DHRS3: variants seen among roughly 807,000 people sequenced by gnomAD.
DHRS3 encodes dehydrogenase/reductase 3.
A neutral mutation model predicts 27.2 loss-of-function variants in DHRS3; 14 were observed. The ratio of observed to expected loss-of-function variants is 0.52; its 90% CI spans 0.34 to 0.81. The LOEUF (loss-of-function observed/expected upper bound fraction) is 0.81, where lower values mean the gene tolerates loss of function less well. Among genes scored for constraint, DHRS3 ranks in the 30% least tolerant of loss-of-function variants. The pLI, the probability that DHRS3 is intolerant of heterozygous loss-of-function variation, is 0.01. For missense variants in DHRS3, 322 were observed against 406.2 expected (o/e 0.79, Z 1.78); for synonymous variants, 165 against 175.9 (o/e 0.94, Z 0.49).
At position 12,594,695 on chromosome 1, in the gene DHRS3, G is replaced by T. The variant is rs1646773705; in HGVS notation, c.196-14029C>A. Among the ~76,000 whole-genome samples, 1 of 152,100 alleles carries T rather than the reference G, an allele frequency of 6.6e-6. No homozygotes were observed. Among genetic ancestry groups the T allele is most frequent in the Admixed American group, 6.5e-5 (1 of 15,276 alleles). Reference sequence around the variant, plus strand: ...CAGTTGGTGCAAAGGCCCTGGGGTGGGAATGAGCTTCCCCAGCACGGAGAC... The same window carrying T: ...CAGTTGGTGCAAAGGCCCTGGGGTGTGAATGAGCTTCCCCAGCACGGAGAC... On this transcript the variant is annotated intron_variant, in intron 1 of 5. Coordinates refer to ENST00000616661, the MANE Select transcript of DHRS3 (RefSeq NM_004753.7). The surrounding 1 kb of genome is among the most constrained non-coding windows in gnomAD (Gnocchi z 4.1).
Position 12,578,630 on chromosome 1 carries a change from T to C in DHRS3, c.698+88A>G, listed in dbSNP as rs1324384194. On this transcript the variant is annotated intron_variant, in intron 4 of 5. Coordinates refer to ENST00000616661, the MANE Select transcript of DHRS3 (RefSeq NM_004753.7). This position sits in a 1 kb window ranked among gnomAD's most constrained non-coding sequence, Gnocchi z 4.5. ...CACCGTGCCTAGCCCGATTTTTATA[T>C]CAGAGCTCTTTCTGCAGTTGGCTGA... 7.4e-7 allele frequency: 1 copy of C among 1,354,264 alleles called. No homozygotes were observed. Among genetic ancestry groups the C allele is most frequent in the African/African-American group, 1.4e-5 (1 of 69,694 alleles). The allele number at this position is 1,354,264 out of a possible 1,614,324, so 83.9% of individuals were successfully genotyped here.
At position 12,617,345 on chromosome 1, in the gene DHRS3, C is replaced by G; in HGVS notation, c.4G>C (p.Val2Leu). 1 of 1,598,742 alleles carries G rather than the reference C, an allele frequency of 6.3e-7. No homozygotes were observed. Among genetic ancestry groups the G allele is most frequent in the Non-Finnish European group, 8.6e-7 (1 of 1,168,084 alleles). ...ACCAGCGCGCCCAGCCGTTTCCACA[C>G]CATCCTCCGCGCCGCGGAGCCGGGC... Reference protein sequence around the residue: MVWKRLGALVMF... With the variant: MLWKRLGALVMF... Residue 2 changes from valine to leucine, a missense_variant, in exon 1 of 6, where the codon GTG (valine) becomes CTG (leucine). Val to Leu is a conservative substitution (Grantham distance 32, BLOSUM62 1). Coordinates refer to ENST00000616661, the MANE Select transcript of DHRS3 (RefSeq NM_004753.7).
In DHRS3 at chr1:12,574,447, G is replaced by A. The variant is rs1011931770; in HGVS notation, c.699-1594C>T. Reference sequence around the variant, plus strand: ...CTCCCAAAGCACTGGGATTACTGGTGTGAACCCAGCTACCACGCCTGGCCA... The same window carrying A: ...CTCCCAAAGCACTGGGATTACTGGTATGAACCCAGCTACCACGCCTGGCCA... On this transcript the variant is annotated intron_variant, in intron 4 of 5. Coordinates refer to ENST00000616661, the MANE Select transcript of DHRS3 (RefSeq NM_004753.7). The surrounding 1 kb of genome is among the most constrained non-coding windows in gnomAD (Gnocchi z 4.6). Among the ~76,000 whole-genome samples, 1 of 152,196 alleles carries A rather than the reference G, an allele frequency of 6.6e-6. No homozygotes were observed. Among genetic ancestry groups the A allele is most frequent in the Admixed American group, 6.5e-5 (1 of 15,278 alleles).
intron 1 of DHRS3, among the ~76,000 whole-genome samples, chr1:12,601,148 A>G (rs1050096765): frequency 1.3e-5 from 2 of 151,456 alleles, no homozygotes; most frequent in African/African-American, 4.9e-5. Flanking sequence ...GGTGTACTGG[A>G]CCCCTTGCTC....
In DHRS3 at chr1:12,582,884, T is replaced by TC. The variant is rs1215877690; in HGVS notation, c.196-2219dup. The stretch of plus-strand genomic sequence containing the variant: ...ATCCATCCATCCATCCCTCCCTCCC[T>TC]CATCTACCCTACTCCATCCATCCAT... On this transcript the variant is annotated intron_variant, in intron 1 of 5. Transcript: ENST00000616661. Among the ~76,000 whole-genome samples, 7 of 137,026 alleles carry TC rather than the reference T, an allele frequency of 5.1e-5. No individual in the cohort carries two copies. In the East Asian group the frequency reaches 7.1e-4, roughly 14 times the overall value. The allele number at this position is 137,026 out of a possible 152,430, so 89.9% of individuals were successfully genotyped here.
intron 1 of DHRS3, chr1:12,616,935 C>T (rs1469872080): frequency 5.8e-6 from 5 of 864,044 alleles, no homozygotes; most frequent in Non-Finnish European, 8.4e-6. Flanking sequence ...AGCCACCGAT[C>T]CCAAAGGAGC....
chr1:12,576,320 T>C (rs1469190519), intron 4 of DHRS3, among the ~76,000 whole-genome samples: 1 of 151,940 alleles, frequency 6.6e-6, no homozygotes, highest in Non-Finnish European at 1.5e-5. Context: ...CCCAGCACTT[T>C]GGGAGGCCGA....
At chr1:12,583,738 A>G (rs1489383262) in intron 1 of DHRS3, among the ~76,000 whole-genome samples, 1 of 145,436 alleles carries the variant, frequency 6.9e-6, no homozygotes, top group African/African-American at 2.6e-5. Flanking sequence ...TCATGCATCC[A>G]TCCATGCACT....
chr1:12,594,806 G>A lies in DHRS3; in HGVS notation c.196-14140C>T, dbSNP rs991641252. Among the ~76,000 whole-genome samples, 1 of 152,036 alleles carries A rather than the reference G, an allele frequency of 6.6e-6. No homozygotes were observed. Among genetic ancestry groups the A allele is most frequent in the Non-Finnish European group, 1.5e-5 (1 of 68,012 alleles). ...ATGGGGTAGATTGGGAGGTTGTAAG[G>A]AGAAAAAAGACAGCCTCTGACATGA... On this transcript the variant is annotated intron_variant, in intron 1 of 5. Coordinates refer to ENST00000616661, the MANE Select transcript of DHRS3 (RefSeq NM_004753.7). The surrounding 1 kb of genome is among the most constrained non-coding windows in gnomAD (Gnocchi z 4.1).
rs559702743 is a variant in DHRS3 at position 12,585,016 on chromosome 1, T to A, written c.196-4350A>T. Among the ~76,000 whole-genome samples, 372 of 150,006 alleles carry A rather than the reference T, an allele frequency of 2.5e-3. 6 individuals are homozygous for A. Among genetic ancestry groups the A allele is most frequent in the Non-Finnish European group, 7.4e-4 (50 of 67,560 alleles). The stretch of plus-strand genomic sequence containing the variant: ...GTGGGTGTGTGTCTGTGTGCATCTC[T>A]GTGTGTGTGTGTGTCTCTGTGTGTC... On this transcript the variant is annotated intron_variant, in intron 1 of 5. Transcript: ENST00000616661.
rs536842351 is a variant in DHRS3, at chr1:12,602,089, G to A, written c.195+15065C>T. On this transcript the variant is annotated intron_variant, in intron 1 of 5. Transcript: ENST00000616661. The stretch of plus-strand genomic sequence containing the variant: ...TATCAACAAGCAGCCACAAAGCGTG[G>A]TGAGTTGCTATGGTAACCCCTGACT... Among the ~76,000 whole-genome samples the A allele has an allele frequency of 2.4e-4, 37 of 152,330 alleles. No homozygotes were observed. In the South Asian group the frequency reaches 6.4e-3, roughly 26 times the overall value.
In DHRS3 at chr1:12,590,755, C is replaced by T. The variant is rs555183129; in HGVS notation, c.196-10089G>A. On this transcript the variant is annotated intron_variant, in intron 1 of 5. Coordinates refer to ENST00000616661, the MANE Select transcript of DHRS3 (RefSeq NM_004753.7). The stretch of plus-strand genomic sequence containing the variant: ...ATGGACTCCAGTGGGATCCCTCTAG[C>T]TGTCACCCATTGAGAGTGCTGGCCT... 7.2e-5 allele frequency among the ~76,000 whole-genome samples: 11 copies of T among 152,328 alleles called. 1 individual carries two copies. Among genetic ancestry groups the T allele is most frequent in the African/African-American group, 2.6e-4 (11 of 41,584 alleles).
chr1:12,616,502 G>C (rs140953325), intron 1 of DHRS3: 52 of 953,766 alleles, frequency 5.5e-5, no homozygotes, highest in Non-Finnish European at 6.0e-5. Flanking sequence ...GGGTGTACTG[G>C]GGGGGAGGGG....
chr1:12,577,599 T>A (rs1347809271), intron 4 of DHRS3, among the ~76,000 whole-genome samples: 1 of 152,012 alleles, frequency 6.6e-6, no homozygotes, highest in Non-Finnish European at 1.5e-5. Flanking sequence ...CTGAGGTGGG[T>A]GGATCACCTG....
chr1:12,580,694 C>T, intron 1 of DHRS3, 28 bp from the exon 2 acceptor site: 6 of 1,595,966 alleles, frequency 3.8e-6, no homozygotes, highest in Non-Finnish European at 4.3e-6. Flanking sequence ...CAACGCAGAA[C>T]AAATGGTCAT....
chr1:12,605,651 T>G (rs1033343455), intron 1 of DHRS3, among the ~76,000 whole-genome samples: 2 of 152,168 alleles, frequency 1.3e-5, no homozygotes, highest in Non-Finnish European at 2.9e-5. Context: ...TGTTATAACA[T>G]GACTAAATGG....
Position 12,578,779 on chromosome 1 carries a change from T to G in DHRS3, c.637A>C (p.Ser213Arg), listed in dbSNP as rs1646614790. The G allele has an allele frequency of 6.2e-7, 1 of 1,613,962 alleles. No individual in the cohort carries two copies. Among genetic ancestry groups the G allele is most frequent in the Non-Finnish European group, 8.5e-7 (1 of 1,180,014 alleles). The change falls in exon 4 of 6, where the codon AGC becomes CGC. Residue 213 changes from serine (S) to arginine (R), a missense_variant. Physicochemically the swap from Ser to Arg is moderately radical, Grantham distance 110. Transcript: ENST00000616661. The surrounding 1 kb of genome is among the most constrained non-coding windows in gnomAD (Gnocchi z 4.5). The part of the protein sequence containing the change: ...TLGLLDCPGV[S>R]ATTVLPFHTS... ...TGGAAGGGCAGCACTGTGGTGGCGC[T>G]GACTCCCGGACAGTCCAGCAGCCCC...
At chr1:12,570,936 G>A (rs1449466852) in intron 5 of DHRS3, among the ~76,000 whole-genome samples, 1 of 152,252 alleles carries the variant, frequency 6.6e-6, no homozygotes, top group Middle Eastern at 3.2e-3. Flanking sequence ...AGGTTTCTGT[G>A]CCCTGCATGT....
chr1:12,587,468 G>C (rs1200867472), intron 1 of DHRS3, among the ~76,000 whole-genome samples: 1 of 151,996 alleles, frequency 6.6e-6, no homozygotes, highest in African/African-American at 2.4e-5. Context: ...CACAGAGATG[G>C]GTGTCTCAGG....
Sources: gnomAD v4.1 joint callset for allele counts (sites outside exome capture counted in the v4.1 genomes callset) on GRCh38, gnomAD v4.1.1 for gene constraint, Gnocchi (gnomAD v3.1) non-coding constraint, MANE v1.5 for transcripts, NCBI Gene and HGNC (gene_info 2026-07-23, HGNC 2026-07-21) for gene names.